The following KIF26A variants were observed in gnomAD, a reference collection of about 807,000 sequenced individuals.
KIF26A encodes the protein kinesin-like protein KIF26A.
KIF26A carries 74 observed loss-of-function variants against 126.0 expected under a neutral mutation model. The ratio of observed to expected loss-of-function variants is 0.59; its 90% CI spans 0.49 to 0.71. The LOEUF is 0.71. Among genes scored for constraint, KIF26A ranks in the 30% least tolerant of loss-of-function variants. The pLI is 0.00. For missense variants in KIF26A, 2,984 were observed against 2,763.3 expected (o/e 1.08, Z -1.79); for synonymous variants, 1,445 against 1,232.7 (o/e 1.17, Z -3.61).
At chr14:104,164,787 G>A (rs1350961262) in intron 4 of KIF26A, among the ~76,000 whole-genome samples, 2 of 151,806 alleles carry the variant, frequency 1.3e-5, no homozygotes, top group African/African-American at 4.8e-5. Context: ...CTCTGTGTGT[G>A]TGTCTGCATT....
chr14:104,158,913 G>T (rs1024748701), intron 4 of KIF26A, among the ~76,000 whole-genome samples: 2 of 152,194 alleles, frequency 1.3e-5, no homozygotes, highest in African/African-American at 2.4e-5. Context: ...AGGCCCAGCC[G>T]CGGGTCAGTG....
intron 2 of KIF26A, among the ~76,000 whole-genome samples, chr14:104,141,113 T>C (rs2037633723): frequency 1.3e-5 from 2 of 152,172 alleles, no homozygotes; most frequent in Non-Finnish European, 2.9e-5. Context: ...CCCAGCAAAA[T>C]TGCAGCCTGC....
At chr14:104,155,180 C>T (rs1435353727) in intron 3 of KIF26A, among the ~76,000 whole-genome samples, 2 of 152,214 alleles carry the variant, frequency 1.3e-5, no homozygotes. Context: ...TCCCTTTCTC[C>T]CCCACTTCTC....
rs111400114 is a variant in KIF26A, at chr14:104,168,344, C to A, written c.1113+1296C>A. ...AGCATTGTACTTGCAGCCCCTGGAA[C>A]GCTAATTTCGTGACTTGAGCCCTCC... On this transcript the variant is annotated intron_variant, in intron 5 of 14. Coordinates refer to ENST00000423312, the MANE Select transcript of KIF26A (RefSeq NM_015656.2). 6.8e-4 allele frequency among the ~76,000 whole-genome samples: 103 copies of A among 152,328 alleles called. 1 individual carries two copies. The East Asian group carries it at 0.019, about 28-fold the overall frequency.
At chr14:104,170,553 GGTAATTT>G (rs2037947278) in intron 5 of KIF26A, among the ~76,000 whole-genome samples, 1 of 152,236 alleles carries the variant, frequency 6.6e-6, no homozygotes, top group South Asian at 2.1e-4. Flanking sequence ...ATGAGTCTCG[GGTAATTT>G]GATTTACGCT....
intron 6 of KIF26A, among the ~76,000 whole-genome samples, chr14:104,172,370 A>T (rs2037968418): frequency 6.6e-6 from 1 of 152,214 alleles, no homozygotes; most frequent in Admixed American, 6.5e-5. Flanking sequence ...GTGTCTGGCC[A>T]GTCCCTCCTA....
rs946734389 is a variant in KIF26A at position 104,179,875 on chromosome 14, G to A, written c.*85G>A. 109 of 1,320,192 alleles carry A rather than the reference G, an allele frequency of 8.3e-5. No individual in the cohort carries two copies. Among genetic ancestry groups the A allele is most frequent in the Middle Eastern group, 2.6e-4 (1 of 3,834 alleles). 81.8% of individuals were successfully genotyped at this position (1,320,192 alleles called of 1,614,324 possible). A position where few individuals can be genotyped will look rare whatever the true frequency, so the allele number is the denominator to read the frequency against. On this transcript the variant is annotated 3_prime_UTR_variant, in exon 15 of 15. Transcript: ENST00000423312. ...GGAGCGAGGATGTGGTGGGGGCTGC[G>A]GGGGGAGGATGCGGAGGGGTTTCTG...
Position 104,176,030 on chromosome 14 carries a change from A to T in KIF26A, c.3242A>T (p.Asp1081Val). The change falls in exon 12 of 15, where the codon GAT (aspartate) becomes GTT (valine). Residue 1081 changes from aspartate to valine, a missense_variant. By Grantham distance (152) the Asp-to-Val change is radical (BLOSUM62 -3). Transcript: ENST00000423312. Reference sequence around the variant, plus strand: ...GTCAGCATCATCAGCAGCATCAATGATGAGTTTGACGCCTACACCTCTCAG... The same window carrying T: ...GTCAGCATCATCAGCAGCATCAATGTTGAGTTTGACGCCTACACCTCTCAG... ...RPVSIISSIN[D>V]EFDAYTSQAP... The T allele has an allele frequency of 6.3e-7, 1 of 1,594,420 alleles. No individual in the cohort carries two copies. Among genetic ancestry groups the T allele is most frequent in the South Asian group, 1.1e-5 (1 of 89,398 alleles).
At chr14:104,166,395 G>C (rs2487306) in intron 4 of KIF26A, among the ~76,000 whole-genome samples, 142,513 of 152,246 alleles carry the variant, frequency 0.94, 66,850 homozygotes, top group African/African-American at 0.98. Flanking sequence ...CACCTCATCC[G>C]ACTTTGGAGA....
chr14:104,178,395 C>T (rs2038059727), intron 12 of KIF26A, among the ~76,000 whole-genome samples, 155 bp from the exon 13 acceptor site: 1 of 152,212 alleles, frequency 6.6e-6, no homozygotes, highest in South Asian at 2.1e-4. Flanking sequence ...TCGGCTTCCT[C>T]CCTGCCCTGG....
Position 104,139,556 on chromosome 14 carries a change from C to T in KIF26A, c.288+268C>T, listed in dbSNP as rs2037617110. Among the ~76,000 whole-genome samples the T allele has an allele frequency of 1.3e-5, 2 of 152,188 alleles. 1 individual carries two copies. Among genetic ancestry groups the T allele is most frequent in the Admixed American group, 1.3e-4 (2 of 15,294 alleles). On this transcript the variant is annotated intron_variant, in intron 2 of 14. Transcript: ENST00000423312. ...CTCCCCCAGCCCAGATGTCCCACAG[C>T]TGGAACGCAGGTTTGTGTGGGAGGA...
intron 2 of KIF26A, among the ~76,000 whole-genome samples, chr14:104,146,819 C>T (rs1028763243): frequency 4.6e-5 from 7 of 152,136 alleles, no homozygotes; most frequent in Non-Finnish European, 8.8e-5. Flanking sequence ...CTGGAGCTCA[C>T]GTGGAGACCG....
rs544364245 is a variant in KIF26A at position 104,179,416 on chromosome 14, C to T, written c.5467+30C>T. On this transcript the variant is annotated intron_variant, in intron 14 of 14. Transcript: ENST00000423312. The stretch of plus-strand genomic sequence containing the variant: ...GTCCCGCCCGCCCACGGACCCAGCC[C>T]GGCCCACCGTGTGCCCTGACAGCTG... 7.1e-5 allele frequency: 104 copies of T among 1,469,996 alleles called. No individual in the cohort carries two copies. The Admixed American group carries it at 1.3e-3, about 18-fold the overall frequency. 91.1% of individuals were successfully genotyped at this position (1,469,996 alleles called of 1,614,324 possible). A position where few individuals can be genotyped will look rare whatever the true frequency, so the allele number is the denominator to read the frequency against.
intron 5 of KIF26A, among the ~76,000 whole-genome samples, chr14:104,169,259 G>A (rs894263126): frequency 6.6e-6 from 1 of 152,238 alleles, no homozygotes; most frequent in Admixed American, 6.5e-5. Flanking sequence ...GCCTGGGATC[G>A]GGGCCCTGGC....
intron 5 of KIF26A, among the ~76,000 whole-genome samples, chr14:104,170,391 G>T (rs1328892884): frequency 6.6e-6 from 1 of 152,346 alleles, no homozygotes; most frequent in Middle Eastern, 3.4e-3. Flanking sequence ...CGGAGAGCGG[G>T]CACTCCCGAC....
At position 104,157,960 on chromosome 14, in the gene KIF26A, C is replaced by T. The variant is rs775837585; in HGVS notation, c.923+18C>T. 6 of 1,477,438 alleles carry T rather than the reference C, an allele frequency of 4.1e-6. No individual in the cohort carries two copies. In the African/African-American group the frequency reaches 5.8e-5, roughly 14 times the overall value. The allele number at this position is 1,477,438 out of a possible 1,614,324, so 91.5% of individuals were successfully genotyped here. A position where few individuals can be genotyped will look rare whatever the true frequency, so the allele number is the denominator to read the frequency against. On this transcript the variant is annotated intron_variant, in intron 4 of 14. Transcript: ENST00000423312. ...TTCATAAGGTATGTCCTGGGGCTTC[C>T]TGGGCAGCCTTGTGGGCAGGGCCCC...
At chr14:104,163,171 G>A (rs2037848779) in intron 4 of KIF26A, among the ~76,000 whole-genome samples, 1 of 152,142 alleles carries the variant, frequency 6.6e-6, no homozygotes, top group African/African-American at 2.4e-5. Flanking sequence ...AGACACTGGT[G>A]AAATCCAAGC....
In KIF26A at chr14:104,177,546, G is replaced by C. The variant is rs892238070; in HGVS notation, c.4758G>C (p.Ala1586=). ...PGRGGSSWGS[A]DSDSGHDSGV... is the part of the protein sequence containing the mutation. ...GAGGTGGCTCCTCGTGGGGCTCGGCGGACTCAGACAGCGGCCATGACAGCG... is the reference window on the plus strand; with the variant it reads ...GAGGTGGCTCCTCGTGGGGCTCGGCCGACTCAGACAGCGGCCATGACAGCG... Residue 1586 remains alanine (A), a synonymous_variant, in exon 12 of 15, where the codon GCG becomes GCC. Coordinates refer to ENST00000423312, the MANE Select transcript of KIF26A (RefSeq NM_015656.2). The C allele has an allele frequency of 1.2e-5, 19 of 1,537,706 alleles. No homozygotes were observed. Among genetic ancestry groups the C allele is most frequent in the Admixed American group, 1.9e-5 (1 of 51,336 alleles).
At chr14:104,174,750 C>CT (rs1479409740) in intron 11 of KIF26A, among the ~76,000 whole-genome samples, 1 of 152,220 alleles carries the variant, frequency 6.6e-6, no homozygotes, top group Non-Finnish European at 1.5e-5. Context: ...TTCCCGTTCC[C>CT]TCCCAGCGCG....
Sources: gnomAD v4.1 joint callset for allele counts (sites outside exome capture counted in the v4.1 genomes callset) on GRCh38, gnomAD v4.1.1 for gene constraint, MANE v1.5 for transcripts, NCBI Gene and HGNC (gene_info 2026-07-23, HGNC 2026-07-21) for gene names.